Variants in KIAA0319L observed in about 807,000 individuals in gnomAD.
KIAA0319L encodes the protein KIAA0319 like, also known as dyslexia-associated protein KIAA0319-like protein.
KIAA0319L carries 55 observed loss-of-function variants against 120.1 expected under a neutral mutation model. The ratio of observed to expected loss-of-function variants is 0.46; its 90% CI spans 0.37 to 0.57. KIAA0319L has a LOEUF of 0.57. Among genes scored for constraint, KIAA0319L ranks in the 20% least tolerant of loss-of-function variants. KIAA0319L has a pLI of 0.00. For synonymous variants in KIAA0319L, 398 were observed against 471.9 expected, an observed-to-expected ratio of 0.84 and a Z score of 2.03; for missense variants, 1,049 against 1,255.3, an observed-to-expected ratio of 0.84 and a Z score of 2.48.
chr1:35,486,376 GAAAAAAAA>G (rs899924972), intron 3 of KIAA0319L, among the ~76,000 whole-genome samples: 9 of 52,154 alleles, frequency 1.7e-4, no homozygotes, highest in East Asian at 6.9e-4. Flanking sequence ...CCTGTCTCAA[GAAAAAAAA>G]AAAAAAAAAA....
intron 2 of KIAA0319L, among the ~76,000 whole-genome samples, chr1:35,551,013 ACTAT>A (rs1256697069): frequency 1.3e-5 from 2 of 152,230 alleles, no homozygotes; most frequent in East Asian, 3.8e-4. Flanking sequence ...CTCATTCACA[ACTAT>A]CTAAGTGTAT....
At chr1:35,494,736 G>A (rs951974750) in intron 3 of KIAA0319L, among the ~76,000 whole-genome samples, 5 of 151,922 alleles carry the variant, frequency 3.3e-5, no homozygotes, top group South Asian at 2.1e-4. Context: ...ACCTGAGCCC[G>A]GAAGGTCAAG....
intron 2 of KIAA0319L, among the ~76,000 whole-genome samples, chr1:35,546,237 G>C (rs1158991832): frequency 6.6e-6 from 1 of 152,084 alleles, no homozygotes; most frequent in Non-Finnish European, 1.5e-5. Context: ...GAAGGGAGTG[G>C]GGGAAAAATA....
At chr1:35,502,007 A>C (rs985387632) in intron 3 of KIAA0319L, among the ~76,000 whole-genome samples, 3 of 150,676 alleles carry the variant, frequency 2.0e-5, no homozygotes, top group Non-Finnish European at 4.4e-5. Context: ...GGGCAGGCAC[A>C]GTGACTCATG....
intron 1 of KIAA0319L, chr1:35,556,515 G>A (rs1648083322): frequency 6.6e-6 from 1 of 152,192 alleles, no homozygotes; most frequent in African/African-American, 2.4e-5. Flanking sequence ...CAAATAGCTG[G>A]AAAAATGAAC....
At chr1:35,554,582 T>C in intron 1 of KIAA0319L, 63 bp from the exon 2 acceptor site, 6 of 1,181,146 alleles carry the variant, frequency 5.1e-6, no homozygotes, top group Non-Finnish European at 7.1e-6. Context: ...CCTGGAAATG[T>C]GGAATGCTAG....
At chr1:35,528,986 G>A (rs192011820) in intron 2 of KIAA0319L, among the ~76,000 whole-genome samples, 5 of 152,188 alleles carry the variant, frequency 3.3e-5, no homozygotes, top group Non-Finnish European at 5.9e-5. Flanking sequence ...TCAGTCTATA[G>A]TTATCTTTAC....
intron 2 of KIAA0319L, among the ~76,000 whole-genome samples, chr1:35,515,515 A>G (rs547386571): frequency 8.5e-4 from 130 of 152,298 alleles, no homozygotes; most frequent in Non-Finnish European, 1.7e-3. Flanking sequence ...GAAACTAATA[A>G]GAACAAAGAT....
chr1:35,440,800 A>C, intron 20 of KIAA0319L: 1 of 519,074 alleles, frequency 1.9e-6, no homozygotes, highest in Non-Finnish European at 3.5e-6. Context: ...GAGAATGCCC[A>C]GGCAAAGGAA....
chr1:35,501,657 A>T (rs1252230661), intron 3 of KIAA0319L, among the ~76,000 whole-genome samples: 13 of 151,998 alleles, frequency 8.6e-5, no homozygotes, highest in Non-Finnish European at 1.5e-5. Flanking sequence ...CAGGCAGATC[A>T]CCTGAGGTCA....
intron 2 of KIAA0319L, among the ~76,000 whole-genome samples, chr1:35,509,457 G>A (rs1645338020): frequency 6.6e-6 from 1 of 152,208 alleles, no homozygotes; most frequent in East Asian, 1.9e-4. Flanking sequence ...TAAAATCAAT[G>A]ATTTAGAGAG....
chr1:35,512,871 CAAAAAAAAA>C (rs746942793), intron 2 of KIAA0319L, among the ~76,000 whole-genome samples: 2 of 48,390 alleles, frequency 4.1e-5, no homozygotes, highest in African/African-American at 1.1e-4. Flanking sequence ...GACTCCATCT[CAAAAAAAAA>C]AAAAAAAAAA....
At chr1:35,522,559 T>C (rs1570942238) in intron 2 of KIAA0319L, among the ~76,000 whole-genome samples, 1 of 152,138 alleles carries the variant, frequency 6.6e-6, no homozygotes, top group Non-Finnish European at 1.5e-5. Context: ...ATTACAGGCG[T>C]GAGCCACTGT....
At chr1:35,532,508 T>C (rs186663571) in intron 2 of KIAA0319L, among the ~76,000 whole-genome samples, 2 of 152,322 alleles carry the variant, frequency 1.3e-5, no homozygotes, top group Admixed American at 1.3e-4. Flanking sequence ...TAGTTAACCT[T>C]TGAAGAATAA....
At chr1:35,473,051 G>C (rs1234078120) in intron 5 of KIAA0319L, among the ~76,000 whole-genome samples, 1 of 142,566 alleles carries the variant, frequency 7.0e-6, no homozygotes, top group Non-Finnish European at 1.5e-5. Flanking sequence ...AAAGTGCTGG[G>C]ATTACAGGCA....
At chr1:35,461,349 C>T (rs1417978269) in intron 8 of KIAA0319L, among the ~76,000 whole-genome samples, 1 of 152,058 alleles carries the variant, frequency 6.6e-6, no homozygotes, top group Non-Finnish European at 1.5e-5. Context: ...GCCTGTAATC[C>T]CAGTTACTCA....
intron 3 of KIAA0319L, among the ~76,000 whole-genome samples, chr1:35,504,398 G>A (rs1203146): frequency 0.98 from 149,487 of 152,230 alleles, 73,416 homozygotes; most frequent in Middle Eastern, 1. Context: ...AGGTTTCACC[G>A]TGTTATCCAG....
At chr1:35,460,228 T>C (rs2149105475) in intron 9 of KIAA0319L, 77 bp downstream of exon 9, 1 of 1,166,838 alleles carries the variant, frequency 8.6e-7, no homozygotes, top group Non-Finnish European at 1.2e-6. Context: ...TTGTCAAAGT[T>C]ACTCATATAA....
At chr1:35,484,826 C>T (rs1478832669) in intron 3 of KIAA0319L, among the ~76,000 whole-genome samples, 7 of 113,732 alleles carry the variant, frequency 6.2e-5, no homozygotes, top group Non-Finnish European at 9.1e-5. Context: ...TTATTATACT[C>T]TAAGTTTTAG....
Sources: gnomAD v4.1 joint callset for allele counts (sites outside exome capture counted in the v4.1 genomes callset) on GRCh38, gnomAD v4.1.1 for gene constraint, MANE v1.5 for transcripts, NCBI Gene and HGNC (gene_info 2026-07-23, HGNC 2026-07-21) for gene names.